CRACD: variants seen among roughly 807,000 people sequenced by gnomAD.
The protein encoded by CRACD is capping protein-inhibiting regulator of actin dynamics.
Under a neutral mutation model 106.8 loss-of-function variants are expected in CRACD, and 56 were observed. The observed-to-expected ratio is 0.52, with a 90% CI of 0.42 to 0.66. CRACD has a LOEUF of 0.66. CRACD is among the 30% of genes least tolerant of loss of function. The pLI is 0.00. For synonymous variants in CRACD, 754 were observed against 670.8 expected, an observed-to-expected ratio of 1.12 and a Z score of -1.92; for missense variants, 1,730 against 1,623.2, an observed-to-expected ratio of 1.07 and a Z score of -1.13.
chr4:56,175,012 C>T (rs147414298), intron 1 of CRACD, among the ~76,000 whole-genome samples: 1,769 of 152,224 alleles, frequency 0.012, 16 homozygotes, highest in South Asian at 0.016. Flanking sequence ...CTCACTATCA[C>T]GAGAACAGCA....
chr4:56,193,709 A>G (rs911653137), intron 2 of CRACD, among the ~76,000 whole-genome samples: 2 of 152,238 alleles, frequency 1.3e-5, no homozygotes, highest in African/African-American at 4.8e-5. Context: ...CACATAATCA[A>G]TCTCAGAGAC....
intron 1 of CRACD, among the ~76,000 whole-genome samples, chr4:56,109,861 C>A (rs1734062783): frequency 6.6e-6 from 1 of 150,732 alleles, no homozygotes; most frequent in African/African-American, 2.4e-5. Flanking sequence ...GTCCATGAGG[C>A]CCAACATTCA....
At chr4:56,286,847 G>A (rs555407211) in intron 3 of CRACD, among the ~76,000 whole-genome samples, 315 of 152,216 alleles carry the variant, frequency 2.1e-3, no homozygotes, top group Non-Finnish European at 3.7e-3. Flanking sequence ...AGTCTGCAAC[G>A]GCTTCAACAT....
At chr4:56,155,190 C>A (rs1577698153) in intron 1 of CRACD, among the ~76,000 whole-genome samples, 1 of 152,160 alleles carries the variant, frequency 6.6e-6, no homozygotes, top group East Asian at 1.9e-4. Context: ...AAGATCCAAG[C>A]TGAAGGAGGG....
At chr4:56,156,550 G>A (rs1334709070) in intron 1 of CRACD, among the ~76,000 whole-genome samples, 1 of 152,128 alleles carries the variant, frequency 6.6e-6, no homozygotes, top group Non-Finnish European at 1.5e-5. Context: ...TGACCATTTG[G>A]GTTTTCTGCA....
intron 1 of CRACD, among the ~76,000 whole-genome samples, chr4:56,140,433 C>T (rs966251992): frequency 5.3e-5 from 8 of 152,162 alleles, no homozygotes; most frequent in African/African-American, 1.9e-4. Flanking sequence ...ATTTGTATTG[C>T]TATTTTAATA....
At chr4:56,086,339 G>A (rs114843571) in intron 1 of CRACD, among the ~76,000 whole-genome samples, 3,623 of 152,176 alleles carry the variant, frequency 0.024, 63 homozygotes, top group Admixed American at 0.058. Context: ...GTATAGTGTT[G>A]CAATCATGGC....
chr4:56,163,037 C>T (rs894612189), intron 1 of CRACD, among the ~76,000 whole-genome samples: 3 of 152,176 alleles, frequency 2.0e-5, no homozygotes, highest in Admixed American at 6.5e-5. Context: ...CTGTGGGCTA[C>T]ATGTGACCAA....
At chr4:56,261,314 G>A (rs927979640) in intron 2 of CRACD, among the ~76,000 whole-genome samples, 2 of 151,590 alleles carry the variant, frequency 1.3e-5, no homozygotes, top group African/African-American at 4.9e-5. Flanking sequence ...AAACACTGAG[G>A]CTTCACATTA....
chr4:56,238,233 G>C (rs546086088), intron 2 of CRACD, among the ~76,000 whole-genome samples: 14 of 152,302 alleles, frequency 9.2e-5, no homozygotes, highest in African/African-American at 3.4e-4. Context: ...TCTTCTGAAG[G>C]CTCTTTCACT....
At chr4:56,276,571 C>T (rs1742685093) in intron 3 of CRACD, among the ~76,000 whole-genome samples, 1 of 152,148 alleles carries the variant, frequency 6.6e-6, no homozygotes, top group Non-Finnish European at 1.5e-5. Flanking sequence ...TTATTATCAA[C>T]AGTTCAAAGA....
At chr4:56,193,721 CACTT>C (rs1168363111) in intron 2 of CRACD, among the ~76,000 whole-genome samples, 3 of 152,316 alleles carry the variant, frequency 2.0e-5, no homozygotes, top group Non-Finnish European at 2.9e-5. Flanking sequence ...CTCAGAGACT[CACTT>C]ACAAATAGTC....
chr4:56,210,860 G>A (rs988835194), intron 2 of CRACD, among the ~76,000 whole-genome samples: 5 of 152,130 alleles, frequency 3.3e-5, no homozygotes, highest in Non-Finnish European at 7.4e-5. Context: ...CAGAGCAAAG[G>A]AAGAGTTCTC....
At chr4:56,137,323 G>C (rs1291013094) in intron 1 of CRACD, among the ~76,000 whole-genome samples, 2 of 152,054 alleles carry the variant, frequency 1.3e-5, no homozygotes, top group Non-Finnish European at 2.9e-5. Context: ...TATCTTATGG[G>C]ACCACCATCG....
chr4:56,158,711 C>G (rs912195247), intron 1 of CRACD, among the ~76,000 whole-genome samples: 3 of 152,188 alleles, frequency 2.0e-5, no homozygotes, highest in Non-Finnish European at 2.9e-5. Flanking sequence ...AGCAAACGAC[C>G]ACATCTGTCA....
chr4:56,073,393 A>G (rs1208548016), intron 1 of CRACD, among the ~76,000 whole-genome samples: 1 of 152,222 alleles, frequency 6.6e-6, no homozygotes, highest in East Asian at 1.9e-4. Context: ...TGTTGGCTGC[A>G]TAAATGTCTT....
intron 1 of CRACD, among the ~76,000 whole-genome samples, chr4:56,108,460 G>A (rs1357489251): frequency 6.6e-6 from 1 of 152,174 alleles, no homozygotes; most frequent in Non-Finnish European, 1.5e-5. Context: ...TGTCATGTAG[G>A]GACAAGCCCT....
intron 2 of CRACD, among the ~76,000 whole-genome samples, chr4:56,262,606 A>C (rs1045079856): frequency 2.6e-5 from 4 of 152,170 alleles, no homozygotes; most frequent in African/African-American, 9.7e-5. Flanking sequence ...TGGCCCAGGG[A>C]AACCAAAAGA....
At chr4:56,233,972 A>T (rs575463537) in intron 2 of CRACD, among the ~76,000 whole-genome samples, 7 of 152,062 alleles carry the variant, frequency 4.6e-5, no homozygotes, top group Non-Finnish European at 1.0e-4. Flanking sequence ...TTATAATTTC[A>T]GTTTTCAGTT....
Sources: allele counts gnomAD v4.1 joint callset (sites outside exome capture counted in the v4.1 genomes callset), GRCh38; gene constraint gnomAD v4.1.1; transcripts MANE v1.5; gene names NCBI Gene and HGNC (gene_info 2026-07-23, HGNC 2026-07-21).